The following SORCS3 variants were observed in gnomAD, a reference collection of about 807,000 sequenced individuals.
The protein encoded by SORCS3 is sortilin related VPS10 domain containing receptor 3.
A neutral mutation model predicts 146.3 loss-of-function variants in SORCS3; 57 were observed. The ratio of observed to expected loss-of-function variants is 0.39; its 90% confidence interval spans 0.31 to 0.49. The LOEUF is 0.49. Among genes scored for constraint, SORCS3 ranks in the 20% least tolerant of loss-of-function variants. SORCS3 has a pLI of 0.92. For synonymous variants in SORCS3, 653 were observed against 618.5 expected (o/e 1.06, Z -0.83); for missense variants, 1,341 against 1,575.5 (o/e 0.85, Z 2.52).
intron 7 of SORCS3, among the ~76,000 whole-genome samples, chr10:105,125,225 T>C (rs1192647033): frequency 6.6e-6 from 1 of 152,214 alleles, no homozygotes; most frequent in East Asian, 1.9e-4. Flanking sequence ...CCTTCTTCCC[T>C]GGTTTTTACC....
At chr10:105,251,652 G>A (rs1323324686) in intron 22 of SORCS3, among the ~76,000 whole-genome samples, 1 of 152,132 alleles carries the variant, frequency 6.6e-6, no homozygotes, top group Non-Finnish European at 1.5e-5. Flanking sequence ...GACAGAAGAG[G>A]TGGTGATGTT....
At chr10:104,810,615 A>G (rs2491389) in intron 1 of SORCS3, among the ~76,000 whole-genome samples, 3,754 of 152,326 alleles carry the variant, frequency 0.025, 179 homozygotes, top group African/African-American at 0.085. Context: ...TGAAACCTAA[A>G]TCATGTGGGC....
intron 16 of SORCS3, among the ~76,000 whole-genome samples, chr10:105,207,097 T>C (rs2056606791): frequency 2.6e-5 from 4 of 152,158 alleles, no homozygotes; most frequent in South Asian, 2.1e-4. Flanking sequence ...CCCTATGGGA[T>C]TGGACTCATG....
intron 4 of SORCS3, among the ~76,000 whole-genome samples, chr10:104,998,476 T>C (rs1174741): frequency 0.93 from 141,769 of 152,204 alleles, 66,179 homozygotes; most frequent in East Asian, 1. Flanking sequence ...GAGCAGAGGA[T>C]GTCAATTTTC....
At chr10:104,704,788 T>C (rs931697329) in intron 1 of SORCS3, among the ~76,000 whole-genome samples, 11 of 152,194 alleles carry the variant, frequency 7.2e-5, no homozygotes, top group Admixed American at 7.2e-4. Flanking sequence ...TTATGTTCAG[T>C]GTTCCAGCCA....
chr10:104,756,837 G>C (rs550686857), intron 1 of SORCS3, among the ~76,000 whole-genome samples: 2 of 152,184 alleles, frequency 1.3e-5, no homozygotes, highest in African/African-American at 4.8e-5. Context: ...TTCATGCTCT[G>C]TGCTAGTGTA....
rs546129737 is a variant in SORCS3, at chr10:105,139,357, T to C, written c.1213-40T>C. ...TACTTTCCAACTTGTGCATGATCTG[T>C]GGCCTCATCTGATCTCTTTGTGTTT... On this transcript the variant is annotated intron_variant, in intron 7 of 26. Transcript: ENST00000369701. 7 of 1,456,980 alleles carry C rather than the reference T, an allele frequency of 4.8e-6. No homozygotes were observed. In the South Asian group the frequency reaches 8.0e-5, roughly 17 times the overall value. 90.3% of individuals were successfully genotyped at this position (1,456,980 alleles called of 1,614,324 possible).
rs779561792 is a variant in SORCS3, at chr10:105,200,073, A to G, written c.2084A>G (p.His695Arg). ...KVDYKSIFSR[H>R]CTKEDYQTWH... The stretch of plus-strand genomic sequence containing the variant: ...GACTACAAATCTATCTTCAGCCGGC[A>G]TTGCACCAAGGAGGACTATCAGACC... The change falls in exon 15 of 27, where the codon CAT (histidine) becomes CGT (arginine). Residue 695 changes from histidine to arginine, a missense_variant. Coordinates refer to ENST00000369701, the MANE Select transcript of SORCS3 (RefSeq NM_014978.3). 1 of 1,613,724 alleles carries G rather than the reference A, an allele frequency of 6.2e-7. No individual in the cohort carries two copies. Among genetic ancestry groups the G allele is most frequent in the Non-Finnish European group, 8.5e-7 (1 of 1,179,708 alleles).
At chr10:104,954,008 A>T (rs1275725412) in intron 3 of SORCS3, among the ~76,000 whole-genome samples, 1 of 152,170 alleles carries the variant, frequency 6.6e-6, no homozygotes, top group African/African-American at 2.4e-5. Flanking sequence ...GGCCAGGAAA[A>T]TTGGGGGACT....
intron 1 of SORCS3, among the ~76,000 whole-genome samples, chr10:104,786,412 G>A (rs1377444959): frequency 6.6e-6 from 1 of 151,908 alleles, no homozygotes; most frequent in African/African-American, 2.4e-5. Flanking sequence ...GCCAGGTGTG[G>A]TGGCACGTGC....
At chr10:104,751,039 A>G (rs1255419779) in intron 1 of SORCS3, among the ~76,000 whole-genome samples, 2 of 152,174 alleles carry the variant, frequency 1.3e-5, no homozygotes, top group Non-Finnish European at 1.5e-5. Flanking sequence ...TGGAAGACAT[A>G]CAAGAGAGGG....
intron 4 of SORCS3, among the ~76,000 whole-genome samples, chr10:104,991,916 G>A (rs1451337203): frequency 6.6e-6 from 1 of 152,174 alleles, no homozygotes; most frequent in Non-Finnish European, 1.5e-5. Context: ...ACATTCTGAG[G>A]TACTGGGGGT....
At chr10:105,004,242 C>A (rs928310102) in intron 4 of SORCS3, among the ~76,000 whole-genome samples, 1 of 152,126 alleles carries the variant, frequency 6.6e-6, no homozygotes, top group African/African-American at 2.4e-5. Context: ...TGATGCTGTA[C>A]CAGCCAGGCT....
At chr10:104,987,688 T>C (rs367948972) in intron 4 of SORCS3, among the ~76,000 whole-genome samples, 11 of 152,258 alleles carry the variant, frequency 7.2e-5, no homozygotes, top group African/African-American at 2.6e-4. Flanking sequence ...GTAACCTCAA[T>C]CTATATTATT....
intron 7 of SORCS3, among the ~76,000 whole-genome samples, chr10:105,111,393 C>T (rs1380552306): frequency 6.6e-6 from 1 of 152,186 alleles, no homozygotes; most frequent in African/African-American, 2.4e-5. Context: ...TTCTCCTGCT[C>T]TTAGCATAAT....
intron 2 of SORCS3, among the ~76,000 whole-genome samples, chr10:104,873,950 C>T (rs926180907): frequency 6.6e-6 from 1 of 152,190 alleles, no homozygotes; most frequent in Non-Finnish European, 1.5e-5. Context: ...TGGAACTATT[C>T]ATCTGCTCCA....
At chr10:104,822,747 T>C (rs2017888792) in intron 1 of SORCS3, among the ~76,000 whole-genome samples, 1 of 152,216 alleles carries the variant, frequency 6.6e-6, no homozygotes, top group South Asian at 2.1e-4. Flanking sequence ...TCCCTGGGAT[T>C]TATCAGCACT....
At chr10:105,098,571 T>C (rs535636208) in intron 6 of SORCS3, among the ~76,000 whole-genome samples, 1 of 152,296 alleles carries the variant, frequency 6.6e-6, no homozygotes, top group African/African-American at 2.4e-5. Context: ...TCTAGCTCCG[T>C]CACTTCCTAG....
At chr10:104,949,682 C>A (rs2133625000) in intron 3 of SORCS3, among the ~76,000 whole-genome samples, 1 of 152,236 alleles carries the variant, frequency 6.6e-6, no homozygotes, top group Middle Eastern at 3.4e-3. Context: ...TTGAGTAGAA[C>A]CAAGTGCATG....
Sources: gnomAD v4.1 joint callset for allele counts (sites outside exome capture counted in the v4.1 genomes callset) on GRCh38, gnomAD v4.1.1 for gene constraint, MANE v1.5 for transcripts, NCBI Gene and HGNC (gene_info 2026-07-23, HGNC 2026-07-21) for gene names.